The following POLR3B variants were observed in gnomAD, a reference collection of about 807,000 sequenced individuals.
POLR3B encodes the protein RNA polymerase III subunit B.
POLR3B carries 96 observed loss-of-function variants against 147.4 expected under a neutral mutation model. That is an observed-to-expected ratio of 0.65 (90% CI 0.55 to 0.77). The LOEUF is 0.77. Among genes scored for constraint, POLR3B ranks in the 30% least tolerant of loss-of-function variants. POLR3B has a pLI of 0.00. For missense variants in POLR3B, 1,036 were observed against 1,413.5 expected (o/e 0.73, Z 4.28); for synonymous variants, 461 against 485.9 (o/e 0.95, Z 0.67).
At chr12:106,410,178 T>G (rs550837683) in intron 11 of POLR3B, 41 of 152,928 alleles carry the variant, frequency 2.7e-4, no homozygotes, top group African/African-American at 9.9e-4. Context: ...ATTCTGTGGT[T>G]TGACCGGGTT....
Position 106,405,958 on chromosome 12 carries a change from C to G in POLR3B, c.948C>G (p.Thr316=), listed in dbSNP as rs1167005818. 2.5e-6 allele frequency: 4 copies of G among 1,613,654 alleles called. No individual in the cohort carries two copies. The African/African-American group carries it at 5.3e-5, about 22-fold the overall frequency. The stretch of plus-strand genomic sequence containing the variant: ...AAGCAAGAGAGCTCCTGGCTTCCAC[C>G]ATTCTGACCCATGTCCCAGTGAGTA... ...IEEARELLAS[T]ILTHVPVKEF... Residue 316 remains threonine (T), a synonymous_variant, in exon 11 of 28, where the codon ACC becomes ACG. Coordinates refer to ENST00000228347, the MANE Select transcript of POLR3B (RefSeq NM_018082.6).
chr12:106,495,465 T>G (rs2038464811), intron 23 of POLR3B, among the ~76,000 whole-genome samples: 1 of 152,134 alleles, frequency 6.6e-6, no homozygotes. Flanking sequence ...TTTGGGCAGT[T>G]TAGACTCAGC....
In POLR3B at chr12:106,444,470, A is replaced by G; in HGVS notation, c.1963A>G (p.Thr655Ala). 6.2e-7 allele frequency: 1 copy of G among 1,613,844 alleles called. No homozygotes were observed. The highest frequency in any genetic ancestry group is 8.5e-7 in the Non-Finnish European group (1 of 1,179,916). Reference protein sequence around the residue: ...LYEHTINKDTTHLEIEPFTLL... With the variant: ...LYEHTINKDTAHLEIEPFTLL... ...TTTTACTTAACTTGTTAGAGACACC[A>G]CCCACTTGGAGATTGAACCCTTCAC... The change falls in exon 19 of 28, where the codon ACC becomes GCC. Residue 655 changes from threonine (T) to alanine (A), a missense_variant. Coordinates refer to ENST00000228347, the MANE Select transcript of POLR3B (RefSeq NM_018082.6).
chr12:106,421,594 G>A (rs2037375161), intron 12 of POLR3B, among the ~76,000 whole-genome samples: 1 of 151,722 alleles, frequency 6.6e-6, no homozygotes, highest in African/African-American at 2.4e-5. Context: ...TCCCATTTTT[G>A]TTACTGATTT....
At chr12:106,415,553 C>G (rs2037290280) in intron 12 of POLR3B, among the ~76,000 whole-genome samples, 1 of 152,156 alleles carries the variant, frequency 6.6e-6, no homozygotes, top group Non-Finnish European at 1.5e-5. Context: ...CTTTCTGAGT[C>G]CCCTGGAATT....
intron 19 of POLR3B, among the ~76,000 whole-genome samples, 177 bp downstream of exon 19, chr12:106,444,767 C>T (rs2037700229): frequency 6.6e-6 from 1 of 152,192 alleles, no homozygotes; most frequent in Non-Finnish European, 1.5e-5. Flanking sequence ...TGGTGCCCTG[C>T]TATGTCTAAA....
intron 19 of POLR3B, chr12:106,446,236 T>C (rs1428671271): frequency 2.2e-6 from 1 of 455,816 alleles, no homozygotes; most frequent in Non-Finnish European, 4.4e-6. Context: ...ACACCTTTTG[T>C]GTAGAACCTT....
intron 23 of POLR3B, among the ~76,000 whole-genome samples, chr12:106,485,562 G>C (rs2038325550): frequency 6.6e-6 from 1 of 152,148 alleles, no homozygotes; most frequent in Non-Finnish European, 1.5e-5. Flanking sequence ...GAAGTGACTG[G>C]ATTCTGGACA....
chr12:106,494,672 A>C (rs1245563150), intron 23 of POLR3B, among the ~76,000 whole-genome samples: 3 of 152,218 alleles, frequency 2.0e-5, no homozygotes, highest in Non-Finnish European at 4.4e-5. Context: ...AAGAAGGCTC[A>C]CACACTCTGC....
chr12:106,406,923 G>T (rs779352949), intron 11 of POLR3B, among the ~76,000 whole-genome samples: 2 of 152,164 alleles, frequency 1.3e-5, no homozygotes, highest in Non-Finnish European at 2.9e-5. Flanking sequence ...TTCAAGGGTT[G>T]CAAACACTAC....
At chr12:106,400,195 T>TA (rs1176041160) in intron 10 of POLR3B, among the ~76,000 whole-genome samples, 7 of 152,084 alleles carry the variant, frequency 4.6e-5, no homozygotes, top group African/African-American at 1.7e-4. Flanking sequence ...TAGTCTCTGA[T>TA]AAAACAGACT....
chr12:106,507,181 T>G (rs1433805011), intron 27 of POLR3B, among the ~76,000 whole-genome samples: 1 of 152,174 alleles, frequency 6.6e-6, no homozygotes, highest in African/African-American at 2.4e-5. Context: ...GGACAGTCAT[T>G]TCTCGTGTGA....
intron 23 of POLR3B, among the ~76,000 whole-genome samples, chr12:106,477,062 CTGTT>C (rs1448313354): frequency 6.8e-6 from 1 of 147,126 alleles, no homozygotes; most frequent in Non-Finnish European, 1.5e-5. Context: ...GATGTCCTTT[CTGTT>C]TGTTAGTTTT....
At chr12:106,493,973 C>T (rs1339765281) in intron 23 of POLR3B, among the ~76,000 whole-genome samples, 3 of 152,082 alleles carry the variant, frequency 2.0e-5, no homozygotes, top group African/African-American at 7.2e-5. Flanking sequence ...ATTGCCAAAG[C>T]AGTTCCTATA....
Position 106,433,792 on chromosome 12 carries a change from T to C in POLR3B, c.1701T>C (p.Tyr567=), listed in dbSNP as rs763207067. 5.0e-6 allele frequency: 8 copies of C among 1,613,046 alleles called. No homozygotes were observed. Among genetic ancestry groups the C allele is most frequent in the South Asian group, 4.4e-5 (4 of 91,052 alleles). Residue 567 remains tyrosine, a synonymous_variant, in exon 16 of 28, where the codon TAT becomes TAC. Transcript: ENST00000228347. ...TTCGACTCATGAGAAGAGCAGGATA[T>C]ATCAATGAATTTGTTTCCATCTCAA... ...NTFRLMRRAG[Y]INEFVSISTN...
At chr12:106,395,924 C>T (rs772034502) in intron 10 of POLR3B, among the ~76,000 whole-genome samples, 5 of 152,050 alleles carry the variant, frequency 3.3e-5, no homozygotes, top group African/African-American at 4.8e-5. Context: ...GAGCCAAGAT[C>T]GCGCCACTGC....
chr12:106,442,525 G>T (rs953050892), intron 18 of POLR3B, among the ~76,000 whole-genome samples: 1 of 152,114 alleles, frequency 6.6e-6, no homozygotes, highest in Non-Finnish European at 1.5e-5. Context: ...GAGGATTGGG[G>T]TTCTGCTAGG....
chr12:106,358,157 T>C, intron 1 of POLR3B: 1 of 1,445,356 alleles, frequency 6.9e-7, no homozygotes, highest in Non-Finnish European at 9.0e-7. Context: ...CCAGAGGAGC[T>C]GTCAGCCGCT....
In POLR3B at chr12:106,410,967, T is replaced by C; in HGVS notation, c.1101+7T>C. ...ACTGGAATTGGCAGGACAGGTGATT[T>C]AATATTTTATGTCAGAAATCTTGTT... On this transcript the variant is annotated splice_region_variant and intron_variant, in intron 12 of 27. Transcript: ENST00000228347. 1.9e-6 allele frequency: 3 copies of C among 1,608,442 alleles called. No homozygotes were observed. The highest frequency in any genetic ancestry group is 2.6e-6 in the Non-Finnish European group (3 of 1,175,190).
Sources: allele counts gnomAD v4.1 joint callset (sites outside exome capture counted in the v4.1 genomes callset), GRCh38; gene constraint gnomAD v4.1.1; transcripts MANE v1.5; gene names NCBI Gene and HGNC (gene_info 2026-07-23, HGNC 2026-07-21).